Variants in LRRC4C observed in about 807,000 individuals in gnomAD.
The protein encoded by LRRC4C is leucine rich repeat containing 4C, also known as leucine-rich repeat-containing protein 4C.
Under a neutral mutation model 33.6 loss-of-function variants are expected in LRRC4C, and 5 were observed. That is an observed-to-expected ratio of 0.15 (90% CI 0.08 to 0.31). LRRC4C has a LOEUF of 0.31. Ranked by LOEUF, LRRC4C falls within the 10% of genes least tolerant of loss-of-function variation. The pLI is 1.00. For missense variants in LRRC4C, 560 were observed against 796.7 expected (o/e 0.70, Z 3.58); for synonymous variants, 329 against 302.0 (o/e 1.09, Z -0.93).
chr11:40,946,372 G>T (rs1348808510), intron 1 of LRRC4C, among the ~76,000 whole-genome samples: 1 of 152,132 alleles, frequency 6.6e-6, no homozygotes, highest in Non-Finnish European at 1.5e-5. Context: ...TGACTGCTAT[G>T]GTGAATAGTG....
chr11:40,348,831 CAG>C (rs1270679047), intron 3 of LRRC4C, among the ~76,000 whole-genome samples: 2 of 152,088 alleles, frequency 1.3e-5, no homozygotes, highest in African/African-American at 4.8e-5. Context: ...TGAGATAAAA[CAG>C]AGAAAGAACA....
chr11:40,902,247 G>A (rs1045042536), intron 2 of LRRC4C, among the ~76,000 whole-genome samples: 12 of 151,932 alleles, frequency 7.9e-5, no homozygotes, highest in Non-Finnish European at 1.6e-4. Context: ...TATGGTGCTC[G>A]TGATCAGTGA....
At chr11:40,271,046 G>A (rs1590873123) in intron 4 of LRRC4C, among the ~76,000 whole-genome samples, 2 of 152,138 alleles carry the variant, frequency 1.3e-5, no homozygotes, top group South Asian at 4.1e-4. Context: ...AATTTGAGCA[G>A]CCTTTTAAAC....
At chr11:40,291,186 T>C (rs1374352515) in intron 4 of LRRC4C, among the ~76,000 whole-genome samples, 3 of 152,102 alleles carry the variant, frequency 2.0e-5, no homozygotes, top group African/African-American at 7.2e-5. Flanking sequence ...AAAAGTTCTG[T>C]AAAAAAGGCC....
At chr11:40,803,347 A>T (rs1485365021) in intron 2 of LRRC4C, among the ~76,000 whole-genome samples, 1 of 152,206 alleles carries the variant, frequency 6.6e-6, no homozygotes, top group East Asian at 1.9e-4. Flanking sequence ...TGGTCCAAAC[A>T]TGAGAGCCTG....
chr11:40,988,579 G>T (rs1347536280), intron 1 of LRRC4C, among the ~76,000 whole-genome samples: 1 of 151,942 alleles, frequency 6.6e-6, no homozygotes, highest in African/African-American at 2.4e-5. Flanking sequence ...AAATATATGT[G>T]GTCATTGATA....
At chr11:40,986,812 G>C (rs1385249517) in intron 1 of LRRC4C, among the ~76,000 whole-genome samples, 1 of 152,116 alleles carries the variant, frequency 6.6e-6, no homozygotes, top group Non-Finnish European at 1.5e-5. Context: ...CTATATATCT[G>C]TGTATTTTAT....
intron 1 of LRRC4C, among the ~76,000 whole-genome samples, chr11:41,108,295 T>C (rs550969701): frequency 6.6e-6 from 1 of 152,228 alleles, no homozygotes; most frequent in South Asian, 2.1e-4. Flanking sequence ...GTATCTGCAG[T>C]ACTTGCTTAA....
At chr11:40,503,480 T>C (rs1565453579) in intron 3 of LRRC4C, among the ~76,000 whole-genome samples, 1 of 152,202 alleles carries the variant, frequency 6.6e-6, no homozygotes, top group Non-Finnish European at 1.5e-5. Context: ...CTAAGCTGGT[T>C]ACTGTGAAAC....
rs150405633 is a variant in LRRC4C, at chr11:41,134,128, C to T, written c.-495-200405G>A. Among the ~76,000 whole-genome samples, 41 of 152,218 alleles carry T rather than the reference C, an allele frequency of 2.7e-4. No homozygotes were observed. In the East Asian group the frequency reaches 7.7e-3, roughly 29 times the overall value. ...ATTTACTTATTTTGAGGTGGGGTCT[C>T]ACTGTGTCACCCAGACTGAAGGCTG... On this transcript the variant is annotated intron_variant, in intron 1 of 6. Transcript: ENST00000528697.
At chr11:40,120,328 A>G (rs1312280459) in intron 6 of LRRC4C, among the ~76,000 whole-genome samples, 2 of 152,180 alleles carry the variant, frequency 1.3e-5, no homozygotes, top group African/African-American at 4.8e-5. Flanking sequence ...AGGTTTCACA[A>G]CCTAAGTCAG....
At chr11:41,317,808 G>T (rs1034145404) in intron 1 of LRRC4C, among the ~76,000 whole-genome samples, 1 of 152,060 alleles carries the variant, frequency 6.6e-6, no homozygotes, top group Admixed American at 6.6e-5. Flanking sequence ...GGAAGACAAT[G>T]TATGGTCATC....
intron 1 of LRRC4C, among the ~76,000 whole-genome samples, chr11:40,946,024 A>T (rs1223168673): frequency 3.3e-5 from 5 of 152,154 alleles, no homozygotes; most frequent in Non-Finnish European, 7.3e-5. Flanking sequence ...GATACAAATG[A>T]TCCTGTTGCT....
intron 1 of LRRC4C, among the ~76,000 whole-genome samples, chr11:40,943,442 C>A (rs1478956070): frequency 1.3e-5 from 2 of 152,120 alleles, no homozygotes; most frequent in African/African-American, 4.8e-5. Flanking sequence ...CATTTACCTG[C>A]CAAAGAAAAT....
At chr11:40,970,779 C>A (rs1423698776) in intron 1 of LRRC4C, among the ~76,000 whole-genome samples, 3 of 152,060 alleles carry the variant, frequency 2.0e-5, no homozygotes, top group Non-Finnish European at 4.4e-5. Context: ...GAGGTGGACC[C>A]AGATGGAAAT....
intron 1 of LRRC4C, among the ~76,000 whole-genome samples, chr11:41,127,941 C>T (rs1168324000): frequency 6.6e-6 from 1 of 152,114 alleles, no homozygotes; most frequent in Non-Finnish European, 1.5e-5. Flanking sequence ...CTGCCTCCTA[C>T]ATACTTCCAT....
At chr11:40,598,315 G>T (rs577252074) in intron 3 of LRRC4C, among the ~76,000 whole-genome samples, 1 of 152,254 alleles carries the variant, frequency 6.6e-6, no homozygotes, top group South Asian at 2.1e-4. Flanking sequence ...CCTCAAAACT[G>T]ATTCTGTTCC....
chr11:40,824,863 T>C (rs967762235), intron 2 of LRRC4C, among the ~76,000 whole-genome samples: 1 of 151,914 alleles, frequency 6.6e-6, no homozygotes, highest in African/African-American at 2.4e-5. Flanking sequence ...TAAAGATAAT[T>C]ATGCCTTTTT....
intron 2 of LRRC4C, among the ~76,000 whole-genome samples, chr11:40,889,173 G>T (rs1450616275): frequency 1.3e-5 from 2 of 151,998 alleles, no homozygotes; most frequent in Non-Finnish European, 2.9e-5. Context: ...TTCAAGAAAA[G>T]AGTTAGATAT....
Sources: allele counts gnomAD v4.1 joint callset (sites outside exome capture counted in the v4.1 genomes callset), GRCh38; gene constraint gnomAD v4.1.1; transcripts MANE v1.5; gene names NCBI Gene and HGNC (gene_info 2026-07-23, HGNC 2026-07-21).